Variants in LETM1 observed in about 807,000 individuals in gnomAD.
The protein encoded by LETM1 is mitochondrial proton/calcium exchanger protein.
A neutral mutation model predicts 74.5 loss-of-function variants in LETM1; 50 were observed. The ratio of observed to expected loss-of-function variants is 0.67; its 90% CI spans 0.53 to 0.85. The LOEUF (loss-of-function observed/expected upper bound fraction) is 0.85, where lower values mean the gene tolerates loss of function less well. Ranked by LOEUF, LETM1 falls within the 40% of genes least tolerant of loss-of-function variation. LETM1 has a pLI of 0.00. For missense variants in LETM1, 824 were observed against 967.8 expected (o/e 0.85, Z 1.97); for synonymous variants, 446 against 407.1 (o/e 1.10, Z -1.15).
At chr4:1,822,410 G>A in intron 9 of LETM1, 98 bp from the exon 10 acceptor site, 2 of 1,273,820 alleles carry the variant, frequency 1.6e-6, no homozygotes, top group Non-Finnish European at 2.0e-6. Flanking sequence ...GCCACACTGG[G>A]AGCAGGCCTG....
At chr4:1,818,192 G>C (rs1711638045) in intron 11 of LETM1, among the ~76,000 whole-genome samples, 1 of 152,218 alleles carries the variant, frequency 6.6e-6, no homozygotes, top group Non-Finnish European at 1.5e-5. Context: ...CTGGTGATAA[G>C]CACCTCACAT....
Position 1,823,043 on chromosome 4 carries a change from G to A in LETM1, c.1421C>T (p.Ala474Val), listed in dbSNP as rs139115587. Residue 474 changes from alanine (A) to valine (V), a missense_variant, in exon 9 of 14, where the codon GCG becomes GTG. Ala to Val is a moderately conservative substitution (Grantham distance 64). Around this residue, in one of 4 missense-constraint regions of LETM1, gnomAD observed 172 missense variants for 170.7 expected, o/e 1.01. Transcript: ENST00000302787. ...AKLEATLQEE[A>V]AIQQEHREKE... ...CTCACGGTGCTCCTGCTGGATGGCC[G>A]CCTCCTCCTGCAGCGTGGCCTCCAG... The A allele has an allele frequency of 6.8e-5, 109 of 1,607,866 alleles. No homozygotes were observed. In the East Asian group the frequency reaches 1.3e-3, roughly 19 times the overall value.
At chr4:1,815,604 T>C in intron 13 of LETM1, 60 bp downstream of exon 13, 6 of 1,594,870 alleles carry the variant, frequency 3.8e-6, no homozygotes, top group Non-Finnish European at 5.1e-6. Flanking sequence ...ACAGTCCCCC[T>C]GCCCCACCCC....
chr4:1,818,370 T>G (rs940924131), intron 11 of LETM1, among the ~76,000 whole-genome samples: 2 of 152,090 alleles, frequency 1.3e-5, no homozygotes, highest in African/African-American at 2.4e-5. Flanking sequence ...TCCCAGCACT[T>G]TGGGAGGCTG....
chr4:1,851,308 A>G (rs1013369236), intron 1 of LETM1, among the ~76,000 whole-genome samples: 1 of 152,200 alleles, frequency 6.6e-6, no homozygotes, highest in Non-Finnish European at 1.5e-5. Context: ...ATGAGTCAAC[A>G]GCCAGGGAGC....
intron 1 of LETM1, among the ~76,000 whole-genome samples, chr4:1,853,221 C>T (rs1005678169): frequency 1.1e-4 from 17 of 152,360 alleles, no homozygotes; most frequent in Middle Eastern, 3.4e-3. Context: ...CACTGTTGTC[C>T]CCAGGCGGCT....
chr4:1,833,061 T>G, intron 5 of LETM1, 114 bp from the exon 6 acceptor site: 1 of 831,860 alleles, frequency 1.2e-6, no homozygotes, highest in Non-Finnish European at 2.0e-6. Flanking sequence ...CTCAAACCAC[T>G]GACTACTTCT....
At chr4:1,848,814 G>A (rs1712972160) in intron 2 of LETM1, among the ~76,000 whole-genome samples, 1 of 151,834 alleles carries the variant, frequency 6.6e-6, no homozygotes, top group African/African-American at 2.4e-5. Context: ...ACTGACACTG[G>A]GCACTTTGAG....
chr4:1,829,131 T>G, intron 6 of LETM1, among the ~76,000 whole-genome samples: 1 of 101,678 alleles, frequency 9.8e-6, no homozygotes, highest in African/African-American at 4.1e-5. Flanking sequence ...GAGGCGCCCC[T>G]CACCTCCCGG....
In LETM1 at chr4:1,815,821, C is replaced by T. The variant is rs373003100; in HGVS notation, c.1932-19G>A. 145 of 1,611,718 alleles carry T rather than the reference C, an allele frequency of 9.0e-5. No homozygotes were observed. Among genetic ancestry groups the T allele is most frequent in the Middle Eastern group, 8.2e-4 (5 of 6,080 alleles). On this transcript the variant is annotated intron_variant, in intron 12 of 13. Coordinates refer to ENST00000302787, the MANE Select transcript of LETM1 (RefSeq NM_012318.3). ...GTTCTCCCTGTGGAAGCACAGCCTG[C>T]ATGTGGCCACGGGCAGGCGTCCTGC...
At chr4:1,831,359 A>G (rs1412514944) in intron 6 of LETM1, among the ~76,000 whole-genome samples, 1 of 152,176 alleles carries the variant, frequency 6.6e-6, no homozygotes, top group African/African-American at 2.4e-5. Flanking sequence ...ACCGCTGGGA[A>G]CGGGTGGGTG....
intron 9 of LETM1, chr4:1,822,775 A>G (rs890778616): frequency 9.6e-6 from 4 of 416,588 alleles, no homozygotes; most frequent in Non-Finnish European, 1.2e-5. Context: ...ATCTCCCATG[A>G]GCACCACTGT....
Position 1,814,530 on chromosome 4 carries a change from C to G in LETM1, c.2114G>C (p.Ser705Thr). The change falls in exon 14 of 14, where the codon AGC becomes ACC. Residue 705 changes from serine (S) to threonine (T), a missense_variant. By Grantham distance (58) the Ser-to-Thr change is moderately conservative. Coordinates refer to ENST00000302787, the MANE Select transcript of LETM1 (RefSeq NM_012318.3). Reference protein sequence around the residue: ...VDKEDVHISTSQVAEIVATLE... With the variant: ...VDKEDVHISTTQVAEIVATLE... The stretch of plus-strand genomic sequence containing the variant: ...TGTTGCTACAATCTCAGCCACCTGG[C>G]TGGTGGAGATGTGAACATCTTCTTT... The G allele has an allele frequency of 6.2e-7, 1 of 1,613,926 alleles. No homozygotes were observed. The highest frequency in any genetic ancestry group is 1.3e-5 in the African/African-American group (1 of 75,078).
At chr4:1,826,592 G>A (rs1711996224) in intron 6 of LETM1, among the ~76,000 whole-genome samples, 5 of 152,262 alleles carry the variant, frequency 3.3e-5, no homozygotes, top group Admixed American at 3.3e-4. Flanking sequence ...TCATGCAGGA[G>A]TCACCTCTGG....
intron 3 of LETM1, among the ~76,000 whole-genome samples, 153 bp downstream of exon 3, chr4:1,841,193 CA>C (rs1315944823): frequency 1.3e-5 from 2 of 152,132 alleles, no homozygotes; most frequent in South Asian, 4.1e-4. Flanking sequence ...CTATAAAAAA[CA>C]ATTAGCCAGG....
chr4:1,842,665 G>C (rs1376133625), intron 2 of LETM1, among the ~76,000 whole-genome samples: 1 of 152,248 alleles, frequency 6.6e-6, no homozygotes, highest in Non-Finnish European at 1.5e-5. Flanking sequence ...ACAGGCAGCA[G>C]TGGGAGGCTG....
chr4:1,832,925 G>A lies in LETM1; in HGVS notation c.899C>T (p.Pro300Leu). ...FQKIRETGERPSNEEIMRFSK... is the reference protein window; with the variant it reads ...FQKIRETGERLSNEEIMRFSK... ...AAAACGCATGATTTCCTCATTGCTG[G>A]GCCTCTCCCCTGTTTCCCGGATCTG... The change falls in exon 6 of 14, where the codon CCC becomes CTC. Residue 300 changes from proline to leucine, a missense_variant. Pro to Leu is a moderately conservative substitution (Grantham distance 98, BLOSUM62 -3). Coordinates refer to ENST00000302787, the MANE Select transcript of LETM1 (RefSeq NM_012318.3). 6.2e-7 allele frequency: 1 copy of A among 1,612,260 alleles called. No homozygotes were observed. Among genetic ancestry groups the A allele is most frequent in the Non-Finnish European group, 8.5e-7 (1 of 1,179,968 alleles).
At chr4:1,822,483 A>G in intron 9 of LETM1, 171 bp from the exon 10 acceptor site, 6 of 673,012 alleles carry the variant, frequency 8.9e-6, no homozygotes, top group Non-Finnish European at 1.3e-5. Context: ...TGCAGCTGCC[A>G]GGTCACCTGG....
At chr4:1,854,207 C>T (rs1014126757) in intron 1 of LETM1, among the ~76,000 whole-genome samples, 1 of 152,152 alleles carries the variant, frequency 6.6e-6, no homozygotes, top group Non-Finnish European at 1.5e-5. Context: ...ATTGGCCAGG[C>T]GAGGTGGCTC....
Sources: gnomAD v4.1 joint callset for allele counts (sites outside exome capture counted in the v4.1 genomes callset) on GRCh38, gnomAD v4.1.1 for gene constraint, gnomAD v4.1.1 regional missense constraint, MANE v1.5 for transcripts, NCBI Gene and HGNC (gene_info 2026-07-23, HGNC 2026-07-21) for gene names.